Variants in PDE1C observed in about 807,000 individuals in gnomAD.
PDE1C encodes dual specificity calcium/calmodulin-dependent 3',5'-cyclic nucleotide phosphodiesterase 1C.
PDE1C carries 62 observed loss-of-function variants against 93.1 expected under a neutral mutation model. The observed-to-expected ratio is 0.67, with a 90% CI of 0.54 to 0.82. PDE1C has a LOEUF of 0.82. Ranked by LOEUF, PDE1C falls within the 40% of genes least tolerant of loss-of-function variation. The probability of loss-of-function intolerance (pLI) is 0.00; values close to 1 mark genes in which losing one functional copy is unlikely to be tolerated. For synonymous variants in PDE1C, 325 were observed against 310.1 expected (o/e 1.05, Z -0.50); for missense variants, 742 against 884.6 (o/e 0.84, Z 2.04).
chr7:32,028,768 C>A (rs531184192), intron 2 of PDE1C, among the ~76,000 whole-genome samples: 1 of 152,148 alleles, frequency 6.6e-6, no homozygotes, highest in South Asian at 2.1e-4. Context: ...ATATTCACTA[C>A]ACTGTGCAAT....
chr7:31,668,439 G>C, the PDE1C span, among the ~76,000 whole-genome samples: 2 of 152,104 alleles, frequency 1.3e-5, no homozygotes, highest in East Asian at 1.9e-4. Context: ...TTCATCAACT[G>C]ATGAATGGAT....
chr7:31,649,896 C>T, the PDE1C span, among the ~76,000 whole-genome samples: 1 of 152,164 alleles, frequency 6.6e-6, no homozygotes, highest in African/African-American at 2.4e-5. Flanking sequence ...GGGGAAAGAG[C>T]TGAGCTCCAC....
chr7:31,724,880 C>T, the PDE1C span, among the ~76,000 whole-genome samples: 12 of 152,102 alleles, frequency 7.9e-5, no homozygotes, highest in South Asian at 6.2e-4. Context: ...AGTCTTATAT[C>T]GGTGAATTAG....
At chr7:31,884,955 T>A (rs1797698111) in intron 2 of PDE1C, among the ~76,000 whole-genome samples, 1 of 152,230 alleles carries the variant, frequency 6.6e-6, no homozygotes, top group South Asian at 2.1e-4. Context: ...TGGAAAAGAC[T>A]AGCTGAGGCC....
At chr7:31,819,109 T>C (rs1788636595) in intron 14 of PDE1C, among the ~76,000 whole-genome samples, 1 of 152,126 alleles carries the variant, frequency 6.6e-6, no homozygotes, top group African/African-American at 2.4e-5. Flanking sequence ...TACGAGCCTA[T>C]CCTACTGTAT....
At chr7:32,340,282 C>G (rs1380475266) in intron 1 of PDE1C, among the ~76,000 whole-genome samples, 2 of 152,080 alleles carry the variant, frequency 1.3e-5, no homozygotes, top group Admixed American at 1.3e-4. Context: ...TAAAGAGTTC[C>G]CAATATTGAT....
chr7:32,195,071 A>G (rs1202508689), intron 2 of PDE1C, among the ~76,000 whole-genome samples: 4 of 152,214 alleles, frequency 2.6e-5, no homozygotes, highest in Non-Finnish European at 1.5e-5. Flanking sequence ...CTCCTCTTTG[A>G]TATAATTGTA....
At chr7:32,231,200 C>T (rs1396428617) in intron 1 of PDE1C, among the ~76,000 whole-genome samples, 4 of 152,114 alleles carry the variant, frequency 2.6e-5, no homozygotes, top group African/African-American at 9.7e-5. Context: ...AAATCACACC[C>T]AATCCAAAAC....
chr7:32,040,620 C>T (rs533757387), intron 2 of PDE1C, among the ~76,000 whole-genome samples: 2 of 152,276 alleles, frequency 1.3e-5, no homozygotes, highest in Non-Finnish European at 2.9e-5. Flanking sequence ...AGAATGTATA[C>T]TCTCAATCAA....
intron 2 of PDE1C, among the ~76,000 whole-genome samples, chr7:32,046,192 T>G (rs1792531071): frequency 6.7e-6 from 1 of 150,072 alleles, no homozygotes; most frequent in African/African-American, 2.5e-5. Context: ...TAGAATATTT[T>G]TGAGCCATTT....
chr7:31,639,543 T>TTG, the PDE1C span, among the ~76,000 whole-genome samples: 555 of 50,470 alleles, frequency 0.011, 17 homozygotes, highest in African/African-American at 0.041. Flanking sequence ...TTTTTGTTTT[T>TTG]TTTTTTTTTT....
the PDE1C span, among the ~76,000 whole-genome samples, chr7:31,686,504 A>G: frequency 6.6e-5 from 10 of 152,128 alleles, 1 homozygote; most frequent in South Asian, 2.1e-3. Context: ...TTTCTTTGCT[A>G]TGTGCTGTTT....
intron 1 of PDE1C, among the ~76,000 whole-genome samples, chr7:32,232,891 C>T (rs78846962): frequency 6.6e-6 from 1 of 152,192 alleles, no homozygotes; most frequent in African/African-American, 2.4e-5. Context: ...CCAAACTCAA[C>T]TGGGTCAACT....
At chr7:31,789,697 A>C in intron 16 of PDE1C, 1 of 985,370 alleles carries the variant, frequency 1.0e-6, no homozygotes, top group Non-Finnish European at 1.2e-6. Context: ...ATTGGAGAAA[A>C]CAAATGTTCC....
At chr7:32,001,164 T>C (rs11767277) in intron 2 of PDE1C, among the ~76,000 whole-genome samples, 36,160 of 152,108 alleles carry the variant, frequency 0.24, 4,512 homozygotes, top group Non-Finnish European at 0.28. Flanking sequence ...CAGAAGAAAA[T>C]GTTTATGGTG....
At chr7:32,307,980 C>G (rs963695383) in intron 1 of PDE1C, among the ~76,000 whole-genome samples, 3 of 152,222 alleles carry the variant, frequency 2.0e-5, no homozygotes, top group Non-Finnish European at 2.9e-5. Context: ...CTTTCCTAGT[C>G]AAAGAATGGG....
chr7:31,929,779 T>G (rs1803933196), intron 2 of PDE1C, among the ~76,000 whole-genome samples: 1 of 152,216 alleles, frequency 6.6e-6, no homozygotes, highest in South Asian at 2.1e-4. Flanking sequence ...GGCACACGGC[T>G]AAAGCAATGT....
At chr7:31,823,345 AGTTATT>A in intron 13 of PDE1C, 97 bp from the exon 14 acceptor site, 1 of 878,172 alleles carries the variant, frequency 1.1e-6, no homozygotes, top group Non-Finnish European at 1.7e-6. Flanking sequence ...GCACTCCTAA[AGTTATT>A]GCTGTGAAAT....
intron 17 of PDE1C, among the ~76,000 whole-genome samples, chr7:31,766,599 A>G (rs1795162483): frequency 1.3e-5 from 2 of 152,210 alleles, no homozygotes; most frequent in Non-Finnish European, 2.9e-5. Context: ...TGGAAAAGCC[A>G]TCCTCCAGAA....
Sources: gnomAD v4.1 joint callset for allele counts (sites outside exome capture counted in the v4.1 genomes callset) on GRCh38, gnomAD v4.1.1 for gene constraint, MANE v1.5 for transcripts, NCBI Gene and HGNC (gene_info 2026-07-23, HGNC 2026-07-21) for gene names.